TRAPPC9: variants seen among roughly 807,000 people sequenced by gnomAD.
TRAPPC9 encodes the protein IKK2 binding protein.
In TRAPPC9, 83 loss-of-function variants were observed where a neutral mutation model predicts 124.0. The ratio of observed to expected loss-of-function variants is 0.67; its 90% confidence interval spans 0.56 to 0.80. The LOEUF (loss-of-function observed/expected upper bound fraction) is 0.80. TRAPPC9 is among the 30% of genes least tolerant of loss of function. The pLI, the probability that TRAPPC9 is intolerant of heterozygous loss-of-function variation, is 0.00. For missense variants in TRAPPC9, 1,302 were observed against 1,508.3 expected, an observed-to-expected ratio of 0.86 and a Z score of 2.27; for synonymous variants, 638 against 617.5, an observed-to-expected ratio of 1.03 and a Z score of -0.49.
intron 17 of TRAPPC9, among the ~76,000 whole-genome samples, chr8:140,135,407 G>A (rs944194451): frequency 2.0e-5 from 3 of 152,022 alleles, no homozygotes; most frequent in Admixed American, 1.3e-4. Flanking sequence ...AAGCATAAAC[G>A]GATAAACAAA....
intron 21 of TRAPPC9, among the ~76,000 whole-genome samples, chr8:139,828,687 C>G (rs1825788928): frequency 6.6e-6 from 1 of 152,192 alleles, no homozygotes. Context: ...ATCGACACAT[C>G]ATTTTGTTTC....
chr8:140,096,165 A>G (rs189698929), intron 17 of TRAPPC9: 3 of 152,344 alleles, frequency 2.0e-5, no homozygotes, highest in Non-Finnish European at 2.9e-5. Context: ...AAGCCTCCAC[A>G]AAGACAATAA....
At chr8:139,796,087 GGAGGAGGAAGAGGAGGAGGAA>G in intron 21 of TRAPPC9, among the ~76,000 whole-genome samples, 2 of 140,188 alleles carry the variant, frequency 1.4e-5, no homozygotes, top group Non-Finnish European at 3.1e-5. Flanking sequence ...AAGAGGAGAA[GGAGGAGGAAGAGGAGGAGGAA>G]GAGGAGGAGG....
At chr8:140,284,451 T>C (rs1443927377) in intron 13 of TRAPPC9, among the ~76,000 whole-genome samples, 2 of 152,154 alleles carry the variant, frequency 1.3e-5, no homozygotes, top group African/African-American at 2.4e-5. Flanking sequence ...TGTTGAGAGA[T>C]GAAAGTTCAC....
At chr8:139,950,973 G>A (rs1268014358) in intron 19 of TRAPPC9, among the ~76,000 whole-genome samples, 1 of 152,168 alleles carries the variant, frequency 6.6e-6, no homozygotes, top group Admixed American at 6.5e-5. Context: ...TGAGTCAACC[G>A]AGGACAACGC....
intron 8 of TRAPPC9, among the ~76,000 whole-genome samples, chr8:140,362,169 G>T (rs1363077505): frequency 6.6e-6 from 1 of 152,166 alleles, no homozygotes; most frequent in Non-Finnish European, 1.5e-5. Context: ...TGGGAGGCAG[G>T]TTTATGTCTT....
chr8:139,872,185 T>C (rs1828954295), intron 21 of TRAPPC9, among the ~76,000 whole-genome samples: 1 of 149,572 alleles, frequency 6.7e-6, no homozygotes, highest in Non-Finnish European at 1.5e-5. Context: ...AGTGGGCTGG[T>C]AGACGGGTTG....
intron 19 of TRAPPC9, among the ~76,000 whole-genome samples, chr8:139,966,116 G>A (rs981860389): frequency 2.6e-5 from 4 of 152,050 alleles, no homozygotes; most frequent in African/African-American, 7.3e-5. Flanking sequence ...CCCTCCAAGC[G>A]AGTCACAGTA....
rs538653974 is a variant in TRAPPC9, at chr8:139,767,962, T to C, written c.3056-35760A>G. On this transcript the variant is annotated intron_variant, in intron 21 of 22. Coordinates refer to ENST00000438773, the MANE Select transcript of TRAPPC9 (RefSeq NM_001160372.4). ...AAGTAGCAAACAGCCTTGAAAAATA[T>C]ACAGACCCTTTGACTCAGGGTCTAT... Among the ~76,000 whole-genome samples, 7 of 152,344 alleles carry C rather than the reference T, an allele frequency of 4.6e-5. No homozygotes were observed. The South Asian group carries it at 1.0e-3, about 23-fold the overall frequency.
intron 9 of TRAPPC9, among the ~76,000 whole-genome samples, chr8:140,316,983 C>A (rs1181872126): frequency 6.6e-6 from 1 of 152,180 alleles, no homozygotes; most frequent in Non-Finnish European, 1.5e-5. Context: ...TCCACGTCTT[C>A]TAGGTCACTG....
intron 16 of TRAPPC9, among the ~76,000 whole-genome samples, chr8:140,236,827 T>C (rs961039797): frequency 3.9e-5 from 6 of 152,212 alleles, no homozygotes; most frequent in Admixed American, 3.9e-4. Context: ...ATCTATAGAT[T>C]TGATGCAGTC....
chr8:139,969,201 T>C (rs936862591), intron 19 of TRAPPC9, among the ~76,000 whole-genome samples: 1 of 152,270 alleles, frequency 6.6e-6, no homozygotes, highest in African/African-American at 2.4e-5. Context: ...CCAGTGTCGC[T>C]GCTTTGGGCA....
chr8:139,944,736 A>G (rs1834106932), intron 19 of TRAPPC9, among the ~76,000 whole-genome samples: 1 of 152,248 alleles, frequency 6.6e-6, no homozygotes, highest in African/African-American at 2.4e-5. Context: ...TCAGGAAACA[A>G]GTATTAACAT....
chr8:140,308,072 G>A (rs931727304), intron 10 of TRAPPC9, among the ~76,000 whole-genome samples: 5 of 152,052 alleles, frequency 3.3e-5, no homozygotes, highest in African/African-American at 9.7e-5. Flanking sequence ...AACTAAAATC[G>A]TGAAAGATGA....
At chr8:139,937,846 G>A (rs1395741547) in intron 19 of TRAPPC9, among the ~76,000 whole-genome samples, 4 of 152,148 alleles carry the variant, frequency 2.6e-5, no homozygotes, top group Admixed American at 6.5e-5. Flanking sequence ...CAAAGCCATC[G>A]CTGAGCAGCT....
rs184032452 is a variant in TRAPPC9 at position 140,451,314 on chromosome 8, G to A, written c.60C>T (p.Val20=). Residue 20 remains valine (V), a synonymous_variant, in exon 2 of 23, where the codon GTC becomes GTT. Transcript: ENST00000438773. ...AEDHQTLLVV[V]QPVGIVSEEN... The stretch of plus-strand genomic sequence containing the variant: ...CCTCGGAGACGATGCCCACAGGCTG[G>A]ACCACCACGAGCAGCGTCTGGTGGT... 1 of 1,607,928 alleles carries A rather than the reference G, an allele frequency of 6.2e-7. No individual in the cohort carries two copies. The highest frequency in any genetic ancestry group is 8.5e-7 in the Non-Finnish European group (1 of 1,180,012).
intron 21 of TRAPPC9, among the ~76,000 whole-genome samples, chr8:139,771,668 T>C (rs1326709537): frequency 6.6e-6 from 1 of 152,160 alleles, no homozygotes; most frequent in Non-Finnish European, 1.5e-5. Context: ...ACACGAGTGG[T>C]AGGCGCTGAG....
chr8:139,997,320 G>C (rs1457353478), intron 18 of TRAPPC9, among the ~76,000 whole-genome samples: 5 of 146,878 alleles, frequency 3.4e-5, no homozygotes, highest in African/African-American at 1.3e-4. Context: ...ACCCAGGGGA[G>C]AAAATACATC....
intron 17 of TRAPPC9, among the ~76,000 whole-genome samples, chr8:140,214,446 C>T (rs2063142738): frequency 6.6e-6 from 1 of 152,172 alleles, no homozygotes; most frequent in South Asian, 2.1e-4. Flanking sequence ...TGTTAACAAC[C>T]AGCAGGACTG....
Sources: gnomAD v4.1 joint callset for allele counts (sites outside exome capture counted in the v4.1 genomes callset) on GRCh38, gnomAD v4.1.1 for gene constraint, MANE v1.5 for transcripts, NCBI Gene and HGNC (gene_info 2026-07-23, HGNC 2026-07-21) for gene names.